PTPRD: variants seen among roughly 807,000 people sequenced by gnomAD.
PTPRD encodes protein tyrosine phosphatase receptor type D.
In PTPRD, 34 loss-of-function variants were observed where a neutral mutation model predicts 214.5. That is an observed-to-expected ratio of 0.16 (90% CI 0.12 to 0.21). PTPRD has a LOEUF of 0.21. PTPRD is among the 10% of genes least tolerant of loss of function. The pLI is 1.00. For synonymous variants in PTPRD, 1,128 were observed against 845.7 expected, an observed-to-expected ratio of 1.33 and a Z score of -5.79; for missense variants, 2,545 against 2,398.7, an observed-to-expected ratio of 1.06 and a Z score of -1.27.
chr9:9,262,090 C>T (rs2099980367), intron 9 of PTPRD, among the ~76,000 whole-genome samples: 1 of 151,596 alleles, frequency 6.6e-6, no homozygotes, highest in Non-Finnish European at 1.5e-5. Flanking sequence ...AAGATATATA[C>T]TGGGGTGTCC....
At chr9:9,894,077 C>G (rs529692894) in intron 5 of PTPRD, among the ~76,000 whole-genome samples, 2 of 152,114 alleles carry the variant, frequency 1.3e-5, no homozygotes, top group South Asian at 4.1e-4. Flanking sequence ...CCTTGGCCTC[C>G]TAACGCTGTG....
intron 5 of PTPRD, among the ~76,000 whole-genome samples, chr9:9,887,604 G>C (rs1370357391): frequency 6.6e-6 from 1 of 152,152 alleles, no homozygotes; most frequent in Non-Finnish European, 1.5e-5. Context: ...GAGAACATCA[G>C]TGTACCATGT....
intron 9 of PTPRD, among the ~76,000 whole-genome samples, chr9:9,214,523 G>A (rs1272593259): frequency 6.6e-6 from 1 of 151,456 alleles, no homozygotes; most frequent in Non-Finnish European, 1.5e-5. Context: ...AGCAGGGGGT[G>A]GGAGAGGGAA....
At chr9:8,488,849 A>G (rs2097091557) in intron 27 of PTPRD, among the ~76,000 whole-genome samples, 2 of 152,156 alleles carry the variant, frequency 1.3e-5, no homozygotes, top group Non-Finnish European at 2.9e-5. Context: ...ACAGCCTTCA[A>G]TATATGAAAC....
intron 14 of PTPRD, among the ~76,000 whole-genome samples, chr9:8,542,056 T>C (rs953871290): frequency 6.6e-6 from 1 of 151,982 alleles, no homozygotes; most frequent in African/African-American, 2.4e-5. Flanking sequence ...TTCTAAAACC[T>C]TGACCTTCTT....
chr9:9,665,019 A>G (rs2096690953), intron 7 of PTPRD, among the ~76,000 whole-genome samples: 3 of 151,714 alleles, frequency 2.0e-5, no homozygotes, highest in Non-Finnish European at 3.0e-5. Flanking sequence ...TATGTCAACA[A>G]ATAATGAAAT....
rs182077736 is a variant in PTPRD at position 10,034,520 on chromosome 9, C to T, written c.-544-730G>A. 8.6e-5 allele frequency among the ~76,000 whole-genome samples: 13 copies of T among 150,470 alleles called. No homozygotes were observed. The East Asian group carries it at 1.2e-3, about 14-fold the overall frequency. ...TTTGTTGTGCCTATTATTTCATTAC[C>T]GGGGTATTAAGCCTAATATCCATTA... is the stretch of plus-strand genomic sequence containing the variant. On this transcript the variant is annotated intron_variant, in intron 3 of 45. Transcript: ENST00000381196.
chr9:9,190,629 T>A (rs1246741442), intron 9 of PTPRD, among the ~76,000 whole-genome samples: 1 of 152,018 alleles, frequency 6.6e-6, no homozygotes. Flanking sequence ...ACAAAAGCCC[T>A]AGGAGGACAC....
chr9:9,275,119 T>TA (rs1491436102), intron 9 of PTPRD, among the ~76,000 whole-genome samples: 1 of 53,498 alleles, frequency 1.9e-5, no homozygotes, highest in East Asian at 5.2e-4. Flanking sequence ...TATATATATA[T>TA]TATATATATT....
At chr9:8,438,684 G>C (rs1420464828) in intron 34 of PTPRD, 1 of 152,152 alleles carries the variant, frequency 6.6e-6, no homozygotes, top group Non-Finnish European at 1.5e-5. Context: ...AAATAATAGA[G>C]ACAAAGATGT....
intron 3 of PTPRD, among the ~76,000 whole-genome samples, chr9:10,099,439 T>C (rs886192605): frequency 1.4e-4 from 21 of 151,918 alleles, no homozygotes; most frequent in Admixed American, 7.2e-4. Flanking sequence ...ATATGAGTTA[T>C]AGTAAATTAT....
chr9:8,879,731 T>C (rs116298200), intron 11 of PTPRD, among the ~76,000 whole-genome samples: 1 of 152,172 alleles, frequency 6.6e-6, no homozygotes, highest in African/African-American at 2.4e-5. Flanking sequence ...GGCATAACAA[T>C]CTTGCATTGG....
At chr9:10,601,479 C>A (rs557609966) in intron 2 of PTPRD, among the ~76,000 whole-genome samples, 1 of 151,722 alleles carries the variant, frequency 6.6e-6, no homozygotes, top group Non-Finnish European at 1.5e-5. Context: ...ACTGGACTTA[C>A]TACATCTGTT....
intron 11 of PTPRD, among the ~76,000 whole-genome samples, chr9:8,831,659 CA>C (rs1389708634): frequency 1.3e-5 from 2 of 152,096 alleles, no homozygotes; most frequent in Non-Finnish European, 2.9e-5. Context: ...ATATCATCTT[CA>C]AATATTAAAA....
At chr9:10,274,280 C>G (rs2094563916) in intron 3 of PTPRD, among the ~76,000 whole-genome samples, 1 of 152,074 alleles carries the variant, frequency 6.6e-6, no homozygotes, top group African/African-American at 2.4e-5. Context: ...GAAATGAAAA[C>G]AGATTGACTT....
intron 12 of PTPRD, among the ~76,000 whole-genome samples, chr9:8,719,097 AAATGTAATACTT>A (rs2098465718): frequency 6.6e-6 from 1 of 152,148 alleles, no homozygotes; most frequent in Admixed American, 6.5e-5. Context: ...CTTTCCAAGC[AAATGTAATACTT>A]TCCAGCACTT....
chr9:9,879,922 A>G (rs772634398), intron 5 of PTPRD, among the ~76,000 whole-genome samples: 8 of 152,190 alleles, frequency 5.3e-5, no homozygotes, highest in Non-Finnish European at 8.8e-5. Flanking sequence ...GGAAGTTTGA[A>G]GCTGTCTATA....
In PTPRD at chr9:8,783,870, C is replaced by T. The variant is rs113602688; in HGVS notation, c.-103-49924G>A. ...AAAGAAAAATAAAAAACTTGAGCATCGAGACACTCAATATTTACGCTACCC... is the reference window on the plus strand; with the variant it reads ...AAAGAAAAATAAAAAACTTGAGCATTGAGACACTCAATATTTACGCTACCC... On this transcript the variant is annotated intron_variant, in intron 11 of 45. Coordinates refer to ENST00000381196, the MANE Select transcript of PTPRD (RefSeq NM_002839.4). Among the ~76,000 whole-genome samples the T allele has an allele frequency of 1.1e-3, 175 of 152,230 alleles. 1 individual carries two copies. The highest frequency in any genetic ancestry group is 2.2e-3 in the Admixed American group (33 of 15,300).
intron 7 of PTPRD, among the ~76,000 whole-genome samples, chr9:9,675,294 A>C (rs966070435): frequency 6.6e-6 from 1 of 151,868 alleles, no homozygotes; most frequent in Admixed American, 6.6e-5. Context: ...GGACTTTCAG[A>C]GTAATATATA....
Sources: allele counts gnomAD v4.1 joint callset (sites outside exome capture counted in the v4.1 genomes callset), GRCh38; gene constraint gnomAD v4.1.1; transcripts MANE v1.5; gene names NCBI Gene and HGNC (gene_info 2026-07-23, HGNC 2026-07-21).